The following GRM5 variants were observed in gnomAD, a reference collection of about 807,000 sequenced individuals.
GRM5 encodes the protein metabotropic glutamate receptor 5.
In GRM5, 19 loss-of-function variants were observed where a neutral mutation model predicts 83.1. The observed-to-expected ratio is 0.23, with a 90% confidence interval of 0.16 to 0.34. The LOEUF (loss-of-function observed/expected upper bound fraction) is 0.34, where lower values mean the gene tolerates loss of function less well. Ranked by LOEUF, GRM5 falls within the 10% of genes least tolerant of loss-of-function variation. GRM5 has a pLI of 1.00. For synonymous variants in GRM5, 675 were observed against 633.6 expected (o/e 1.07, Z -0.98); for missense variants, 1,160 against 1,588.3 (o/e 0.73, Z 4.58).
intron 2 of GRM5, among the ~76,000 whole-genome samples, chr11:88,964,189 T>G (rs1232437837): frequency 6.6e-6 from 1 of 152,126 alleles, no homozygotes; most frequent in Non-Finnish European, 1.5e-5. Flanking sequence ...ACCTGGAGAA[T>G]AGAATATGGC....
intron 2 of GRM5, among the ~76,000 whole-genome samples, chr11:88,978,899 A>G (rs1022535052): frequency 1.3e-5 from 2 of 152,206 alleles, no homozygotes; most frequent in African/African-American, 4.8e-5. Flanking sequence ...TGAACGCAGG[A>G]TTCCTAACTT....
chr11:88,913,115 G>C (rs1318971062), intron 2 of GRM5, among the ~76,000 whole-genome samples: 1 of 152,104 alleles, frequency 6.6e-6, no homozygotes, highest in African/African-American at 2.4e-5. Context: ...AATAACCCCA[G>C]TTCCTACAGT....
intron 3 of GRM5, among the ~76,000 whole-genome samples, chr11:88,655,187 C>T (rs1257891928): frequency 6.6e-6 from 1 of 152,078 alleles, no homozygotes; most frequent in Non-Finnish European, 1.5e-5. Context: ...AATTTGGTTA[C>T]TTCACACATT....
At chr11:88,861,590 C>A (rs867699623) in intron 2 of GRM5, among the ~76,000 whole-genome samples, 1 of 152,030 alleles carries the variant, frequency 6.6e-6, no homozygotes, top group South Asian at 2.1e-4. Context: ...CTCAGCCTCC[C>A]GGTTAGCTGG....
chr11:88,802,384 T>G (rs1943413851), intron 3 of GRM5, among the ~76,000 whole-genome samples: 1 of 152,116 alleles, frequency 6.6e-6, no homozygotes, highest in South Asian at 2.1e-4. Context: ...ATCATGTCTT[T>G]TGCAGAAACA....
intron 8 of GRM5, among the ~76,000 whole-genome samples, chr11:88,542,672 T>C (rs951677511): frequency 6.6e-6 from 1 of 152,152 alleles, no homozygotes; most frequent in African/African-American, 2.4e-5. Flanking sequence ...ATCCAGAAAA[T>C]ACATTTCACA....
chr11:88,681,700 A>T (rs1199769533), intron 3 of GRM5, among the ~76,000 whole-genome samples: 1 of 149,532 alleles, frequency 6.7e-6, no homozygotes, highest in Non-Finnish European at 1.5e-5. Context: ...CCTCCCAAGT[A>T]GCTGGGATTA....
At chr11:88,900,992 G>A (rs554518398) in intron 2 of GRM5, among the ~76,000 whole-genome samples, 1 of 152,238 alleles carries the variant, frequency 6.6e-6, no homozygotes, top group South Asian at 2.1e-4. Flanking sequence ...TTTGTTAAAG[G>A]TAAAGCAGGT....
rs758165673 is a variant in GRM5, at chr11:88,567,552, G to A, written c.2131C>T (p.Leu711Phe). 18 of 1,613,894 alleles carry A rather than the reference G, an allele frequency of 1.1e-5. No homozygotes were observed. Among genetic ancestry groups the A allele is most frequent in the Non-Finnish European group, 1.5e-5 (18 of 1,179,922 alleles). Residue 711 changes from leucine (L) to phenylalanine (F), a missense_variant, in exon 8 of 10, where the codon CTC (leucine) becomes TTC (phenylalanine). Leu to Phe is a conservative substitution (Grantham distance 22). Transcript: ENST00000305447. This position sits in a 1 kb window ranked among gnomAD's most constrained non-coding sequence, Gnocchi z 7.3. ...ATGTCAGGAGGCTCCATTATAAAGA[G>A]GGCAACGATGATGCCCAACTGGATG... ...ICIQLGIIVA[L>F]FIMEPPDIMH...
intron 3 of GRM5, among the ~76,000 whole-genome samples, chr11:88,754,640 T>TA (rs1942358763): frequency 6.6e-6 from 1 of 152,238 alleles, no homozygotes. Context: ...ACATTTTCTA[T>TA]AAAAAATTTA....
intron 1 of GRM5, among the ~76,000 whole-genome samples, chr11:89,055,475 G>A (rs528629753): frequency 2.0e-5 from 3 of 151,978 alleles, no homozygotes; most frequent in Non-Finnish European, 4.4e-5. Flanking sequence ...AGCTAATATT[G>A]TAGGATGTTT....
At chr11:88,775,361 C>T (rs543645731) in intron 3 of GRM5, among the ~76,000 whole-genome samples, 1 of 152,194 alleles carries the variant, frequency 6.6e-6, no homozygotes, top group African/African-American at 2.4e-5. Flanking sequence ...AGCAGTCTAT[C>T]AATTTTGTTG....
At chr11:88,907,971 AAAT>A (rs1283687663) in intron 2 of GRM5, among the ~76,000 whole-genome samples, 8 of 152,142 alleles carry the variant, frequency 5.3e-5, no homozygotes, top group Admixed American at 5.2e-4. Context: ...TGATTAGAAA[AAAT>A]ATTATCTGAG....
chr11:88,616,487 G>A (rs1414126268), intron 4 of GRM5, among the ~76,000 whole-genome samples: 1 of 148,772 alleles, frequency 6.7e-6, no homozygotes, highest in Non-Finnish European at 1.5e-5. Context: ...GAACAACAGT[G>A]GAAAAAGGGG....
Position 89,002,554 on chromosome 11 carries a change from T to C in GRM5, c.661+44658A>G, listed in dbSNP as rs1940413875. Among the ~76,000 whole-genome samples, 5 of 152,196 alleles carry C rather than the reference T, an allele frequency of 3.3e-5. 1 individual carries two copies. The South Asian group carries it at 8.3e-4, about 25-fold the overall frequency. On this transcript the variant is annotated intron_variant, in intron 2 of 9. Coordinates refer to ENST00000305447, the MANE Select transcript of GRM5 (RefSeq NM_001143831.3). Reference sequence around the variant, plus strand: ...CCTGTCATTCAAGTTCATTAGTTCATTTATTCATCTACTAAATATGTTATC... The same window carrying C: ...CCTGTCATTCAAGTTCATTAGTTCACTTATTCATCTACTAAATATGTTATC...
At chr11:89,034,078 T>C (rs944210283) in intron 2 of GRM5, among the ~76,000 whole-genome samples, 8 of 151,612 alleles carry the variant, frequency 5.3e-5, no homozygotes, top group African/African-American at 1.9e-4. Flanking sequence ...TAAAAATAAA[T>C]TGTTTCACTG....
At chr11:88,875,860 C>A (rs554287058) in intron 2 of GRM5, among the ~76,000 whole-genome samples, 1 of 152,172 alleles carries the variant, frequency 6.6e-6, no homozygotes, top group East Asian at 1.9e-4. Context: ...TTCAGCAGAG[C>A]ATTCTATAAA....
At chr11:88,700,273 C>T (rs1940998954) in intron 3 of GRM5, among the ~76,000 whole-genome samples, 1 of 152,046 alleles carries the variant, frequency 6.6e-6, no homozygotes, top group Admixed American at 6.6e-5. Context: ...CCATCTAGTA[C>T]ACAGGAGGTA....
At chr11:88,808,992 C>A (rs545231383) in intron 3 of GRM5, among the ~76,000 whole-genome samples, 1 of 152,142 alleles carries the variant, frequency 6.6e-6, no homozygotes, top group East Asian at 1.9e-4. Flanking sequence ...CAGAATCTAA[C>A]AATCCACTTC....
Sources: allele counts gnomAD v4.1 joint callset (sites outside exome capture counted in the v4.1 genomes callset), GRCh38; gene constraint gnomAD v4.1.1; non-coding constraint Gnocchi (gnomAD v3.1); transcripts MANE v1.5; gene names NCBI Gene and HGNC (gene_info 2026-07-23, HGNC 2026-07-21).